The following ABHD3 variants were observed in gnomAD, a reference collection of about 807,000 sequenced individuals.
ABHD3 encodes the protein abhydrolase domain containing 3, phospholipase, also known as phospholipase ABHD3.
ABHD3 carries 46 observed loss-of-function variants against 48.8 expected under a neutral mutation model. The observed-to-expected ratio is 0.94, with a 90% CI of 0.74 to 1.20. The LOEUF (loss-of-function observed/expected upper bound fraction) is 1.20, where lower values mean the gene tolerates loss of function less well. Among genes scored for constraint, ABHD3 ranks in the 50% most tolerant of loss-of-function variants. The pLI is 0.00. For synonymous variants in ABHD3, 192 were observed against 183.7 expected (o/e 1.04, Z -0.36); for missense variants, 490 against 497.8 (o/e 0.98, Z 0.15).
chr18:21,693,265 T>C (rs1208004066), intron 3 of ABHD3, among the ~76,000 whole-genome samples: 1 of 152,198 alleles, frequency 6.6e-6, no homozygotes, highest in Non-Finnish European at 1.5e-5. Context: ...CAACATTCTT[T>C]ATACACATTA....
At position 21,659,251 on chromosome 18, in the gene ABHD3, C is replaced by A; in HGVS notation, c.761G>T (p.Cys254Phe). 1 of 1,613,980 alleles carries A rather than the reference C, an allele frequency of 6.2e-7. No individual in the cohort carries two copies. Among genetic ancestry groups the A allele is most frequent in the Non-Finnish European group, 8.5e-7 (1 of 1,179,964 alleles). ...TFSVGWNTFA[C>F]SESLEKPLNW... is the part of the protein sequence containing the mutation. Reference sequence around the variant, plus strand: ...CAGTGGTTTTTCCAATGACTCTGAGCAAGCGAAGGTGTTCCAACCAACGGA... The same window carrying A: ...CAGTGGTTTTTCCAATGACTCTGAGAAAGCGAAGGTGTTCCAACCAACGGA... Residue 254 changes from cysteine (C) to phenylalanine (F), a missense_variant, in exon 6 of 9, where the codon TGC becomes TTC. Cys to Phe is a radical substitution (Grantham distance 205, BLOSUM62 -2). Transcript: ENST00000289119.
In ABHD3 at chr18:21,704,693, G is replaced by C. The variant is rs749297534; in HGVS notation, c.-28C>G. The C allele has an allele frequency of 1.4e-6, 2 of 1,420,704 alleles. No homozygotes were observed. Among genetic ancestry groups the C allele is most frequent in the African/African-American group, 3.1e-5 (2 of 65,496 alleles). The allele number at this position is 1,420,704 out of a possible 1,614,324, so 88.0% of individuals were successfully genotyped here. ...CCCCCGAGCGCGGCGCGCGGGTCCT[G>C]CGGCGGGAGGAGAGCCGGCTGGCGA... On this transcript the variant is annotated 5_prime_UTR_variant, in exon 1 of 9. Transcript: ENST00000289119.
intron 4 of ABHD3, among the ~76,000 whole-genome samples, chr18:21,674,440 G>A (rs138880462): frequency 4.0e-3 from 607 of 151,818 alleles, no homozygotes; most frequent in Middle Eastern, 0.031. Flanking sequence ...TAGAGACAAG[G>A]TCTCATTATG....
intron 5 of ABHD3, 145 bp downstream of exon 5, chr18:21,663,973 A>G (rs2039562511): frequency 1.4e-6 from 2 of 1,431,320 alleles, no homozygotes; most frequent in African/African-American, 1.4e-5. Context: ...CGTTCATTCA[A>G]TCAACCGCAT....
chr18:21,672,043 G>A (rs2039768420), intron 4 of ABHD3, among the ~76,000 whole-genome samples: 1 of 152,042 alleles, frequency 6.6e-6, no homozygotes, highest in African/African-American at 2.4e-5. Flanking sequence ...AAACAATAAA[G>A]CATATATTTT....
At chr18:21,654,090 G>A (rs2039290792) in intron 8 of ABHD3, among the ~76,000 whole-genome samples, 1 of 151,702 alleles carries the variant, frequency 6.6e-6, no homozygotes. Flanking sequence ...GACTTCAGGT[G>A]ATCCACCCAC....
chr18:21,662,916 G>A (rs2039535261), intron 5 of ABHD3, among the ~76,000 whole-genome samples: 1 of 152,194 alleles, frequency 6.6e-6, no homozygotes, highest in Admixed American at 6.5e-5. Flanking sequence ...ATGATTAAGG[G>A]AAAAGTTCAG....
At chr18:21,702,825 C>G (rs1024419368) in intron 2 of ABHD3, among the ~76,000 whole-genome samples, 9 of 152,172 alleles carry the variant, frequency 5.9e-5, no homozygotes, top group African/African-American at 2.2e-4. Context: ...TCAACTAATG[C>G]GACAGGGAAG....
chr18:21,676,795 G>A (rs2039894825), intron 4 of ABHD3, among the ~76,000 whole-genome samples: 1 of 152,070 alleles, frequency 6.6e-6, no homozygotes, highest in African/African-American at 2.4e-5. Flanking sequence ...GGGCAGTGCT[G>A]CTTTAAATTA....
Position 21,659,178 on chromosome 18 carries a change from T to A in ABHD3, c.834A>T (p.Ser278=). ...TTTTAAAGATGACTCACTTATTAAC[T>A]GAAGACTGAAGGCAGGTTGTCAAAT... ...NYYLTTCLQS[S]VNKHRHMFVK... The change falls in exon 6 of 9, where the codon TCA becomes TCT. Residue 278 remains serine (S), a synonymous_variant. Transcript: ENST00000289119. 6.2e-7 allele frequency: 1 copy of A among 1,613,216 alleles called. No homozygotes were observed. The highest frequency in any genetic ancestry group is 8.5e-7 in the Non-Finnish European group (1 of 1,179,756).
intron 4 of ABHD3, among the ~76,000 whole-genome samples, chr18:21,666,088 G>A (rs1183873512): frequency 6.6e-6 from 1 of 151,946 alleles, no homozygotes; most frequent in Non-Finnish European, 1.5e-5. Flanking sequence ...CTGGGGTGCA[G>A]TGGCACAATC....
At chr18:21,700,827 C>CAAAAA (rs375239917) in intron 3 of ABHD3, among the ~76,000 whole-genome samples, 24 of 94,372 alleles carry the variant, frequency 2.5e-4, no homozygotes, top group African/African-American at 7.7e-4. Flanking sequence ...AAGTTTTAGC[C>CAAAAA]AAAAAAAAAA....
chr18:21,686,671 ATCATT>A (rs2040135447), intron 3 of ABHD3, among the ~76,000 whole-genome samples: 1 of 152,224 alleles, frequency 6.6e-6, no homozygotes, highest in Non-Finnish European at 1.5e-5. Flanking sequence ...AGTAGCAGTC[ATCATT>A]GTATACTTAA....
chr18:21,665,924 CT>C (rs1202074609), intron 4 of ABHD3, among the ~76,000 whole-genome samples: 2 of 152,092 alleles, frequency 1.3e-5, no homozygotes, highest in Non-Finnish European at 2.9e-5. Context: ...TGAGTGCTGT[CT>C]GCCAATGAAA....
chr18:21,684,568 C>T (rs2040087821), intron 3 of ABHD3, among the ~76,000 whole-genome samples: 1 of 152,022 alleles, frequency 6.6e-6, no homozygotes, highest in South Asian at 2.1e-4. Flanking sequence ...GGTGATACGC[C>T]CACCTCGGCC....
chr18:21,699,601 T>C (rs1422215851), intron 3 of ABHD3, among the ~76,000 whole-genome samples: 1 of 152,230 alleles, frequency 6.6e-6, no homozygotes, highest in African/African-American at 2.4e-5. Flanking sequence ...GGGCTGATCA[T>C]GTGACTTGCT....
intron 4 of ABHD3, chr18:21,682,995 T>G (rs915378712): frequency 1.3e-5 from 2 of 152,226 alleles, no homozygotes; most frequent in African/African-American, 4.8e-5. Context: ...TTTCCTCCAG[T>G]GCCTAAGTCA....
At chr18:21,656,038 C>G (rs1031232794) in intron 8 of ABHD3, among the ~76,000 whole-genome samples, 1 of 151,924 alleles carries the variant, frequency 6.6e-6, no homozygotes, top group African/African-American at 2.4e-5. Context: ...TGCCTGTAAT[C>G]CCAGCTACTT....
intron 8 of ABHD3, 139 bp from the exon 9 acceptor site, chr18:21,651,902 T>C: frequency 1.4e-6 from 1 of 723,570 alleles, no homozygotes; most frequent in Non-Finnish European, 2.1e-6. Flanking sequence ...TAAATATATG[T>C]AATGAGCATA....
Sources: allele counts gnomAD v4.1 joint callset (sites outside exome capture counted in the v4.1 genomes callset), GRCh38; gene constraint gnomAD v4.1.1; transcripts MANE v1.5; gene names NCBI Gene and HGNC (gene_info 2026-07-23, HGNC 2026-07-21).